Variants in SLC25A48 observed in about 807,000 individuals in gnomAD.
SLC25A48 encodes the protein solute carrier family 25 member 48.
SLC25A48 carries 29 observed loss-of-function variants against 32.2 expected under a neutral mutation model. The ratio of observed to expected loss-of-function variants is 0.90; its 90% confidence interval spans 0.67 to 1.23. The LOEUF (loss-of-function observed/expected upper bound fraction) is 1.23, where lower values mean the gene tolerates loss of function less well. SLC25A48 is among the 50% of genes most tolerant of loss of function. The pLI, the probability that SLC25A48 is intolerant of heterozygous loss-of-function variation, is 0.00. For missense variants in SLC25A48, 399 were observed against 422.7 expected, an observed-to-expected ratio of 0.94 and a Z score of 0.49; for synonymous variants, 164 against 172.3, an observed-to-expected ratio of 0.95 and a Z score of 0.38.
chr5:135,661,534 A>C (rs558969706), intron 3 of SLC25A48, among the ~76,000 whole-genome samples: 1 of 152,130 alleles, frequency 6.6e-6, no homozygotes. Context: ...TAAATCCCAC[A>C]AAAAACATGG....
chr5:135,690,041 G>T (rs1464487972), intron 3 of SLC25A48, among the ~76,000 whole-genome samples: 1 of 152,094 alleles, frequency 6.6e-6, no homozygotes, highest in Non-Finnish European at 1.5e-5. Context: ...TCGAACTAGG[G>T]TGACCCACTG....
At chr5:135,673,259 C>G (rs1753696488) in intron 3 of SLC25A48, among the ~76,000 whole-genome samples, 1 of 152,134 alleles carries the variant, frequency 6.6e-6, no homozygotes, top group African/African-American at 2.4e-5. Context: ...AGTAGAATAG[C>G]TAAGTTGTAT....
At chr5:135,683,718 C>T (rs950235761) in intron 3 of SLC25A48, among the ~76,000 whole-genome samples, 1 of 152,178 alleles carries the variant, frequency 6.6e-6, no homozygotes, top group African/African-American at 2.4e-5. Flanking sequence ...ACAAATATAC[C>T]TTACAGTTTC....
In SLC25A48 at chr5:135,883,223, C is replaced by T. The variant is rs528497258; in HGVS notation, c.*7+3126C>T. 4.4e-4 allele frequency: 436 copies of T among 985,488 alleles called. 7 individuals carry two copies. In the African/African-American group the frequency reaches 7.3e-3, roughly 16 times the overall value. 61.0% of individuals were successfully genotyped at this position (985,488 alleles called of 1,614,324 possible). A position where few individuals can be genotyped will look rare whatever the true frequency, so the allele number is the denominator to read the frequency against. On this transcript the variant is annotated intron_variant, in intron 7 of 7. Transcript: ENST00000681962. Reference sequence around the variant, plus strand: ...ATTACAAGCATTCTCATCCCCACCCCGGCTGGGGCAGCGGAGCTTCTGCCT... The same window carrying T: ...ATTACAAGCATTCTCATCCCCACCCTGGCTGGGGCAGCGGAGCTTCTGCCT...
At chr5:135,689,834 G>A (rs1489662571) in intron 3 of SLC25A48, among the ~76,000 whole-genome samples, 1 of 152,170 alleles carries the variant, frequency 6.6e-6, no homozygotes, top group Admixed American at 6.5e-5. Context: ...ATGAAGATAC[G>A]ATTTTATTCA....
intron 3 of SLC25A48, among the ~76,000 whole-genome samples, chr5:135,851,610 G>A (rs1272691083): frequency 6.6e-6 from 1 of 152,216 alleles, no homozygotes; most frequent in Non-Finnish European, 1.5e-5. Flanking sequence ...ATGCGTGTGT[G>A]TGCGTGTGCA....
At chr5:135,699,215 T>C (rs1186148547) in intron 3 of SLC25A48, among the ~76,000 whole-genome samples, 2 of 152,208 alleles carry the variant, frequency 1.3e-5, no homozygotes, top group African/African-American at 2.4e-5. Flanking sequence ...CAGAGACTTA[T>C]ACAGGAATGT....
intron 4 of SLC25A48, chr5:135,824,434 C>A (rs1757974974): frequency 6.6e-6 from 1 of 152,342 alleles, no homozygotes; most frequent in Non-Finnish European, 1.5e-5. Context: ...GAATCCGGAG[C>A]CCCAACCTCT....
Position 135,769,259 on chromosome 5 carries a change from T to TTGGG in SLC25A48, c.-520-43264_-520-43263insTGGG, listed in dbSNP as rs59534699. ...CCCTCTGTAATTTTGTTTGCAATAT[T>TTGGG]GGGGGGGGAGAATGATATTACTGAC... On this transcript the variant is annotated intron_variant, in intron 3 of 10. Coordinates refer to the SLC25A48 transcript ENST00000646290. Among the ~76,000 whole-genome samples the TTGGG allele has an allele frequency of 1.0e-3, 108 of 104,264 alleles. 1 individual carries two copies. The highest frequency in any genetic ancestry group is 1.7e-3 in the African/African-American group (36 of 21,812). 68.4% of individuals were successfully genotyped at this position (104,264 alleles called of 152,430 possible). A position where few individuals can be genotyped will look rare whatever the true frequency, so the allele number is the denominator to read the frequency against.
chr5:135,604,528 A>G (rs943373286), intron 1 of SLC25A48, among the ~76,000 whole-genome samples: 12 of 152,128 alleles, frequency 7.9e-5, no homozygotes, highest in African/African-American at 2.4e-4. Context: ...TGCTCTTTTG[A>G]TGGTTATTTC....
At chr5:135,667,227 T>C (rs1258971188) in intron 3 of SLC25A48, among the ~76,000 whole-genome samples, 2 of 152,200 alleles carry the variant, frequency 1.3e-5, no homozygotes, top group Non-Finnish European at 2.9e-5. Flanking sequence ...AGCACTCTGC[T>C]TGGCATTGTG....
intron 5 of SLC25A48, 32 bp from the exon 6 acceptor site, chr5:135,873,989 A>G: frequency 6.6e-7 from 1 of 1,517,604 alleles, no homozygotes; most frequent in Non-Finnish European, 8.8e-7. Context: ...CTAAGGAGCT[A>G]GCCCCTGACA....
chr5:135,806,599 CAT>C (rs145859645), intron 3 of SLC25A48, among the ~76,000 whole-genome samples: 6,208 of 149,292 alleles, frequency 0.042, 400 homozygotes, highest in African/African-American at 0.14. Flanking sequence ...TTTTTAATAT[CAT>C]AGTGTTTTCA....
intron 3 of SLC25A48, among the ~76,000 whole-genome samples, chr5:135,710,567 A>G (rs1257713357): frequency 6.6e-6 from 1 of 152,258 alleles, no homozygotes; most frequent in East Asian, 1.9e-4. Context: ...GACTTTGAGC[A>G]AGTTGCCTTA....
chr5:135,767,461 C>T (rs1014427122), intron 3 of SLC25A48, among the ~76,000 whole-genome samples: 2 of 151,688 alleles, frequency 1.3e-5, no homozygotes, highest in Non-Finnish European at 2.9e-5. Context: ...CTTCTGATAT[C>T]GTGGGGAGTG....
intron 1 of SLC25A48, among the ~76,000 whole-genome samples, chr5:135,602,171 G>A (rs1179477984): frequency 6.6e-6 from 1 of 152,212 alleles, no homozygotes; most frequent in Non-Finnish European, 1.5e-5. Flanking sequence ...GAACAAAAGA[G>A]GATAACTTGT....
intron 7 of SLC25A48, among the ~76,000 whole-genome samples, chr5:135,887,821 G>T (rs1027852282): frequency 6.6e-6 from 1 of 152,186 alleles, no homozygotes; most frequent in African/African-American, 2.4e-5. Flanking sequence ...CTTGCAGGCA[G>T]CAGTGCCCCC....
chr5:135,848,460 C>T (rs1033894913), intron 2 of SLC25A48, among the ~76,000 whole-genome samples: 1 of 152,196 alleles, frequency 6.6e-6, no homozygotes, highest in Non-Finnish European at 1.5e-5. Context: ...AACAAGAAGA[C>T]CTTGAAGGCC....
intron 4 of SLC25A48, among the ~76,000 whole-genome samples, chr5:135,868,467 G>A (rs983726464): frequency 1.3e-5 from 2 of 152,104 alleles, no homozygotes; most frequent in Non-Finnish European, 2.9e-5. Context: ...GATCATAGAT[G>A]GTAGATTAAA....
Sources: allele counts gnomAD v4.1 joint callset (sites outside exome capture counted in the v4.1 genomes callset), GRCh38; gene constraint gnomAD v4.1.1; transcripts MANE v1.5; gene names NCBI Gene and HGNC (gene_info 2026-07-23, HGNC 2026-07-21).